The following OVCH2 variants were observed in gnomAD, a reference collection of about 807,000 sequenced individuals.
OVCH2 encodes the protein ovochymase-2.
OVCH2 carries 88 observed loss-of-function variants against 73.7 expected under a neutral mutation model. That is an observed-to-expected ratio of 1.19 (90% confidence interval 1.01 to 1.43). The LOEUF is 1.43. OVCH2 is among the 40% of genes most tolerant of loss of function. The pLI, the probability that OVCH2 is intolerant of heterozygous loss-of-function variation, is 0.00. For synonymous variants in OVCH2, 265 were observed against 234.5 expected (o/e 1.13, Z -1.19); for missense variants, 706 against 674.5 (o/e 1.05, Z -0.52).
the OVCH2 span, among the ~76,000 whole-genome samples, chr11:7,681,020 C>T: frequency 6.6e-6 from 1 of 152,134 alleles, no homozygotes; most frequent in Non-Finnish European, 1.5e-5. Context: ...ATTGTCTCTG[C>T]CAGAGCTTGT....
At chr11:7,686,775 A>C (rs1856145848), downstream of OVCH2, among the ~76,000 whole-genome samples, 1 of 152,234 alleles carries the variant, frequency 6.6e-6, no homozygotes, top group Non-Finnish European at 1.5e-5. Flanking sequence ...CAATTCTGAA[A>C]AGAAAGTTCT....
downstream of OVCH2, among the ~76,000 whole-genome samples, chr11:7,685,042 C>A (rs1257069115): frequency 2.0e-5 from 3 of 152,170 alleles, no homozygotes; most frequent in Admixed American, 2.0e-4. Context: ...AAGAAATTCT[C>A]ATGGAGGGTA....
chr11:7,695,806 G>A, intron 10 of OVCH2, 96 bp from the exon 11 acceptor site: 1 of 1,483,630 alleles, frequency 6.7e-7, no homozygotes, highest in South Asian at 1.2e-5. Context: ...GATATTTCAG[G>A]ATTGTCCAAT....
intron 3 of OVCH2, among the ~76,000 whole-genome samples, chr11:7,703,278 T>C (rs1589882031): frequency 6.6e-6 from 1 of 152,200 alleles, no homozygotes; most frequent in East Asian, 1.9e-4. Flanking sequence ...GCAGGATCAA[T>C]GGGAAGGAAG....
chr11:7,680,669 A>G, the OVCH2 span, among the ~76,000 whole-genome samples: 2 of 152,354 alleles, frequency 1.3e-5, no homozygotes, highest in African/African-American at 2.4e-5. Context: ...CAGAGCCTCC[A>G]GAAAGAATCA....
chr11:7,704,585 T>A lies in OVCH2; in HGVS notation c.178A>T (p.Lys60Ter). The change falls in exon 2 of 16, where the codon AAG becomes TAG. Residue 60 changes from lysine to a stop codon, truncating the protein, a stop_gained. Coordinates refer to ENST00000533663, the MANE Select transcript of OVCH2 (RefSeq NM_198185.7). LOFTEE classifies it high-confidence loss of function. ...CTCACCTGCCAGGGATAGGAACCCT[T>A]CTCCACTTGGCTTCCTCCAAGAATG... The part of the protein sequence containing the change: ...SRILGGSQVE[K>*]GSYPWQVSLK... The A allele has an allele frequency of 6.2e-7, 1 of 1,610,822 alleles. No individual in the cohort carries two copies. The highest frequency in any genetic ancestry group is 8.5e-7 in the Non-Finnish European group (1 of 1,177,746).
chr11:7,680,684 T>C, the OVCH2 span, among the ~76,000 whole-genome samples: 2 of 152,248 alleles, frequency 1.3e-5, no homozygotes, highest in Admixed American at 1.3e-4. Context: ...GAATCAGCCC[T>C]GTTGACACAT....
downstream of OVCH2, among the ~76,000 whole-genome samples, chr11:7,685,388 G>T (rs1431478314): frequency 6.6e-6 from 1 of 152,108 alleles, no homozygotes; most frequent in Non-Finnish European, 1.5e-5. Context: ...GTGGAACTTG[G>T]GTGTTATTAA....
chr11:7,701,367 A>C lies in OVCH2; in HGVS notation c.668T>G (p.Phe223Cys). Residue 223 changes from phenylalanine (F) to cysteine (C), a missense_variant, in exon 6 of 16, where the codon TTT (phenylalanine) becomes TGT (cysteine). Coordinates refer to ENST00000533663, the MANE Select transcript of OVCH2 (RefSeq NM_198185.7). ...TLKRPISGKT[F>C]LCTGFPDGGR... ...TCCATCAGGAAAACCTGTGCAAAGAAAGGTCTTCCCACTGATGGGCCTCTT... is the reference window on the plus strand; with the variant it reads ...TCCATCAGGAAAACCTGTGCAAAGACAGGTCTTCCCACTGATGGGCCTCTT... The C allele has an allele frequency of 2.5e-6, 4 of 1,613,290 alleles. No individual in the cohort carries two copies. The highest frequency in any genetic ancestry group is 3.4e-6 in the Non-Finnish European group (4 of 1,179,672).
chr11:7,679,567 T>C, the OVCH2 span, among the ~76,000 whole-genome samples: 1 of 152,216 alleles, frequency 6.6e-6, no homozygotes, highest in Non-Finnish European at 1.5e-5. Context: ...CTCTCTCTCC[T>C]GGTGCCTTAT....
At chr11:7,694,637 TTGA>T (rs775022861) in intron 12 of OVCH2, among the ~76,000 whole-genome samples, 10,119 of 144,704 alleles carry the variant, frequency 0.07, 399 homozygotes, top group Middle Eastern at 0.17. Context: ...GTTTTGTGTT[TTGA>T]GAGTTTCGCT....
At position 7,700,121 on chromosome 11, in the gene OVCH2, A is replaced by G. The variant is rs942502026; in HGVS notation, c.901+175T>C. The G allele has an allele frequency of 6.4e-6, 4 of 621,850 alleles. No individual in the cohort carries two copies. The Admixed American group carries it at 9.0e-5, about 14-fold the overall frequency. 38.5% of individuals were successfully genotyped at this position (621,850 alleles called of 1,614,324 possible). A position where few individuals can be genotyped will look rare whatever the true frequency, so the allele number is the denominator to read the frequency against. ...ATATCTGCATGCTGCTCCACATACCATATTTTACTCTTGTTTTATTTAGAC... is the reference window on the plus strand; with the variant it reads ...ATATCTGCATGCTGCTCCACATACCGTATTTTACTCTTGTTTTATTTAGAC... On this transcript the variant is annotated intron_variant, in intron 7 of 15. Coordinates refer to ENST00000533663, the MANE Select transcript of OVCH2 (RefSeq NM_198185.7).
chr11:7,681,106 A>G, the OVCH2 span, among the ~76,000 whole-genome samples: 1 of 152,200 alleles, frequency 6.6e-6, no homozygotes, highest in Non-Finnish European at 1.5e-5. Context: ...CTAAAATGTC[A>G]TCCTGAACAA....
At chr11:7,694,299 C>T (rs1364478488) in intron 12 of OVCH2, among the ~76,000 whole-genome samples, 1 of 152,216 alleles carries the variant, frequency 6.6e-6, no homozygotes, top group Non-Finnish European at 1.5e-5. Context: ...TAACCACACA[C>T]TGCTAATCAA....
At chr11:7,694,632 G>GTTTTGTTT (rs375600804) in intron 12 of OVCH2, among the ~76,000 whole-genome samples, 4,019 of 114,820 alleles carry the variant, frequency 0.035, 175 homozygotes, top group African/African-American at 0.11. Flanking sequence ...GTTTTGTTTT[G>GTTTTGTTT]TGTTTTGAGA....
downstream of OVCH2, among the ~76,000 whole-genome samples, chr11:7,684,516 G>A (rs1407435174): frequency 7.4e-6 from 1 of 134,272 alleles, no homozygotes; most frequent in Admixed American, 7.4e-5. Context: ...ATGTGTGTGT[G>A]TGTGTGTGTG....
At chr11:7,684,200 A>C in the OVCH2 span, among the ~76,000 whole-genome samples, 8 of 152,180 alleles carry the variant, frequency 5.3e-5, no homozygotes, top group Non-Finnish European at 1.2e-4. Context: ...ACCATCAAAA[A>C]AGTTTGTCAG....
chr11:7,680,074 G>A, the OVCH2 span, among the ~76,000 whole-genome samples: 2 of 152,292 alleles, frequency 1.3e-5, no homozygotes, highest in Middle Eastern at 3.4e-3. Context: ...ATGATTCCCT[G>A]AATTATATGA....
downstream of OVCH2, among the ~76,000 whole-genome samples, chr11:7,689,042 T>C (rs1257192060): frequency 6.6e-6 from 1 of 152,238 alleles, no homozygotes; most frequent in Non-Finnish European, 1.5e-5. Context: ...ATGTGATGGC[T>C]TTTTTGATAT....
Sources: allele counts gnomAD v4.1 joint callset (sites outside exome capture counted in the v4.1 genomes callset), GRCh38; gene constraint gnomAD v4.1.1; transcripts MANE v1.5; gene names NCBI Gene and HGNC (gene_info 2026-07-23, HGNC 2026-07-21).